LYN: variants seen among roughly 807,000 people sequenced by gnomAD.
The protein encoded by LYN is tyrosine-protein kinase Lyn.
LYN carries 12 observed loss-of-function variants against 65.0 expected under a neutral mutation model. The observed-to-expected ratio is 0.18, with a 90% CI of 0.12 to 0.30. LYN has a LOEUF of 0.30. Ranked by LOEUF, LYN falls within the 10% of genes least tolerant of loss-of-function variation. The pLI is 1.00. For missense variants in LYN, 380 were observed against 623.2 expected (o/e 0.61, Z 4.16); for synonymous variants, 222 against 221.2 (o/e 1.00, Z -0.03).
In LYN at chr8:55,890,017, C is replaced by T. The variant is rs906052845; in HGVS notation, c.-6+9914C>T. Among the ~76,000 whole-genome samples the T allele has an allele frequency of 4.0e-4, 58 of 145,304 alleles. 2 individuals are homozygous for T. The highest frequency in any genetic ancestry group is 4.5e-5 in the Non-Finnish European group (3 of 67,094). On this transcript the variant is annotated intron_variant, in intron 1 of 12. Coordinates refer to ENST00000519728, the MANE Select transcript of LYN (RefSeq NM_002350.4). ...CTTAGCTGGGTGAAGTGGCTCATGC[C>T]TATAATCCCAGCACTTTGGGAGCCT...
chr8:55,962,546 T>C (rs1457173135), intron 8 of LYN, among the ~76,000 whole-genome samples: 1 of 150,990 alleles, frequency 6.6e-6, no homozygotes, highest in Admixed American at 6.6e-5. Context: ...GTGAGATGCA[T>C]CTGTGGCTAC....
At chr8:55,969,538 CAGATT>C (rs2130529642) in intron 9 of LYN, among the ~76,000 whole-genome samples, 174 bp from the exon 10 acceptor site, 1 of 152,338 alleles carries the variant, frequency 6.6e-6, no homozygotes, top group Admixed American at 6.5e-5. Flanking sequence ...TCAAAGGTAA[CAGATT>C]AGAGGGGACT....
intron 10 of LYN, among the ~76,000 whole-genome samples, chr8:55,981,028 C>T (rs1211649558): frequency 3.9e-5 from 6 of 152,202 alleles, no homozygotes; most frequent in Admixed American, 3.9e-4. Context: ...TGCTCAGCTC[C>T]GTTCAGTGGG....
chr8:55,971,582 G>A (rs1165344108), intron 10 of LYN, among the ~76,000 whole-genome samples: 2 of 152,164 alleles, frequency 1.3e-5, no homozygotes, highest in Non-Finnish European at 2.9e-5. Context: ...ATCTGCTGGG[G>A]GTCTGATCTG....
At chr8:55,898,322 T>C (rs1170493402) in intron 1 of LYN, among the ~76,000 whole-genome samples, 2 of 152,172 alleles carry the variant, frequency 1.3e-5, no homozygotes, top group Non-Finnish European at 2.9e-5. Context: ...AGAGTCTCCC[T>C]CTGTCACCCA....
At chr8:55,935,918 A>G (rs576757722) in intron 1 of LYN, among the ~76,000 whole-genome samples, 3 of 152,306 alleles carry the variant, frequency 2.0e-5, no homozygotes, top group East Asian at 3.9e-4. Context: ...GAGGCTGCCA[A>G]CCAGGCTATT....
At chr8:55,957,608 A>C (rs1266827803) in intron 8 of LYN, among the ~76,000 whole-genome samples, 3 of 152,188 alleles carry the variant, frequency 2.0e-5, no homozygotes, top group Non-Finnish European at 2.9e-5. Flanking sequence ...TTCAAATCCA[A>C]CTGCTTGAGT....
intron 2 of LYN, among the ~76,000 whole-genome samples, chr8:55,944,325 A>C (rs1258974694): frequency 6.6e-6 from 1 of 152,282 alleles, no homozygotes; most frequent in African/African-American, 2.4e-5. Context: ...TCATATATAA[A>C]TATGATTAAT....
chr8:55,909,054 C>A (rs867349437), intron 1 of LYN, among the ~76,000 whole-genome samples: 4 of 94,456 alleles, frequency 4.2e-5, no homozygotes, highest in African/African-American at 1.2e-4. Context: ...CACACACACC[C>A]CACATTTTCT....
At chr8:55,957,569 C>A (rs1334384580) in intron 8 of LYN, among the ~76,000 whole-genome samples, 1 of 152,222 alleles carries the variant, frequency 6.6e-6, no homozygotes, top group African/African-American at 2.4e-5. Flanking sequence ...CTATTTGCTC[C>A]TGAGAGACAA....
At chr8:55,940,895 C>T in intron 1 of LYN, among the ~76,000 whole-genome samples, 1 of 152,194 alleles carries the variant, frequency 6.6e-6, no homozygotes. Context: ...GGTGGCTTTC[C>T]TCCACTGTCC....
At chr8:55,926,407 C>T (rs1309488063) in intron 1 of LYN, among the ~76,000 whole-genome samples, 1 of 152,178 alleles carries the variant, frequency 6.6e-6, no homozygotes, top group African/African-American at 2.4e-5. Flanking sequence ...GCTACATTAT[C>T]AGATGTACTT....
At chr8:55,953,804 T>G (rs1807022430) in intron 7 of LYN, 28 bp from the exon 8 acceptor site, 1 of 1,610,956 alleles carries the variant, frequency 6.2e-7, no homozygotes. Context: ...TTGCATTTCT[T>G]AACCTTCATT....
intron 10 of LYN, among the ~76,000 whole-genome samples, chr8:55,991,383 A>G (rs1808244321): frequency 6.6e-6 from 1 of 152,148 alleles, no homozygotes; most frequent in Admixed American, 6.5e-5. Flanking sequence ...GCATCTGTTC[A>G]GCTGACTGGC....
At chr8:55,900,539 A>ATTTTTTTTTTT (rs5891598) in intron 1 of LYN, among the ~76,000 whole-genome samples, 1 of 126,448 alleles carries the variant, frequency 7.9e-6, no homozygotes, top group Non-Finnish European at 1.7e-5. Context: ...TGCCCAGCTA[A>ATTTTTTTTTTT]TTTTTTTTTT....
At chr8:55,912,605 T>G (rs893855539) in intron 1 of LYN, among the ~76,000 whole-genome samples, 1 of 151,932 alleles carries the variant, frequency 6.6e-6, no homozygotes, top group Non-Finnish European at 1.5e-5. Flanking sequence ...CACATGCCTG[T>G]AATCCCAGCT....
intron 1 of LYN, among the ~76,000 whole-genome samples, chr8:55,884,517 C>T (rs759543766): frequency 1.3e-5 from 2 of 152,118 alleles, no homozygotes; most frequent in South Asian, 2.1e-4. Flanking sequence ...AGTGCTTTGG[C>T]GTGATCCCAG....
chr8:56,007,260 C>T (rs1270770114), intron 12 of LYN, among the ~76,000 whole-genome samples: 1 of 152,198 alleles, frequency 6.6e-6, no homozygotes, highest in East Asian at 1.9e-4. Context: ...CCCAGAATTT[C>T]ACCCAAGAAA....
chr8:56,003,121 G>A (rs376260877), intron 12 of LYN, among the ~76,000 whole-genome samples: 5 of 150,696 alleles, frequency 3.3e-5, no homozygotes, highest in South Asian at 4.2e-4. Flanking sequence ...GTGCAGTGGC[G>A]TGATCTCGGC....
Sources: gnomAD v4.1 joint callset for allele counts (sites outside exome capture counted in the v4.1 genomes callset) on GRCh38, gnomAD v4.1.1 for gene constraint, MANE v1.5 for transcripts, NCBI Gene and HGNC (gene_info 2026-07-23, HGNC 2026-07-21) for gene names.